AGAP1: variants seen among roughly 807,000 people sequenced by gnomAD.
AGAP1 encodes the protein arf-GAP with GTPase, ANK repeat and PH domain-containing protein 1.
A neutral mutation model predicts 105.3 loss-of-function variants in AGAP1; 29 were observed. That is an observed-to-expected ratio of 0.28 (90% CI 0.21 to 0.38). The LOEUF (loss-of-function observed/expected upper bound fraction) is 0.38, where lower values mean the gene tolerates loss of function less well. Ranked by LOEUF, AGAP1 falls within the 10% of genes least tolerant of loss-of-function variation. The pLI is 1.00. For missense variants in AGAP1, 998 were observed against 1,165.1 expected (o/e 0.86, Z 2.09); for synonymous variants, 509 against 485.9 (o/e 1.05, Z -0.63).
Position 235,641,772 on chromosome 2 carries a change from A to G in AGAP1, c.164-67407A>G, listed in dbSNP as rs534540815. ...AATGGTTGAAGAATGATTTCCCATA[A>G]TCTAATTTCAACACATTACCTGATT... is the stretch of plus-strand genomic sequence containing the variant. On this transcript the variant is annotated intron_variant, in intron 1 of 17. Coordinates refer to ENST00000304032, the MANE Select transcript of AGAP1 (RefSeq NM_001037131.3). Among the ~76,000 whole-genome samples the G allele has an allele frequency of 3.3e-5, 5 of 152,370 alleles. No individual in the cohort carries two copies. In the East Asian group the frequency reaches 7.7e-4, roughly 23 times the overall value.
chr2:235,947,575 T>G (rs776766125), intron 12 of AGAP1, among the ~76,000 whole-genome samples: 18 of 152,240 alleles, frequency 1.2e-4, no homozygotes, highest in South Asian at 4.1e-4. Flanking sequence ...ATGACTTATT[T>G]TCCTCTGGGT....
In AGAP1 at chr2:235,631,957, A is replaced by G. The variant is rs1212417904; in HGVS notation, c.164-77222A>G. On this transcript the variant is annotated intron_variant, in intron 1 of 17. Coordinates refer to ENST00000304032, the MANE Select transcript of AGAP1 (RefSeq NM_001037131.3). This position sits in a 1 kb window ranked among gnomAD's most constrained non-coding sequence, Gnocchi z 5.4. ...CATGCATATATGATGGCTGGCCACC[A>G]TCTGAGACTGGGACAGCAAGGGTCA... Among the ~76,000 whole-genome samples, 2 of 152,216 alleles carry G rather than the reference A, an allele frequency of 1.3e-5. No individual in the cohort carries two copies. The highest frequency in any genetic ancestry group is 2.4e-5 in the African/African-American group (1 of 41,460).
At position 235,690,180 on chromosome 2, in the gene AGAP1, G is replaced by A. The variant is rs1333503537; in HGVS notation, c.164-18999G>A. On this transcript the variant is annotated intron_variant, in intron 1 of 17. Coordinates refer to ENST00000304032, the MANE Select transcript of AGAP1 (RefSeq NM_001037131.3). This position sits in a 1 kb window ranked among gnomAD's most constrained non-coding sequence, Gnocchi z 4.1. Reference sequence around the variant, plus strand: ...GAGGGATCTCACTTGCTACCTGCTTGGAGCCAGTCCAGTGGCTTCACTTTT... The same window carrying A: ...GAGGGATCTCACTTGCTACCTGCTTAGAGCCAGTCCAGTGGCTTCACTTTT... Among the ~76,000 whole-genome samples, 1 of 151,956 alleles carries A rather than the reference G, an allele frequency of 6.6e-6. No individual in the cohort carries two copies. The highest frequency in any genetic ancestry group is 6.6e-5 in the Admixed American group (1 of 15,246).
In AGAP1 at chr2:235,980,068, A is replaced by T. The variant is rs969139856; in HGVS notation, c.1645+11445A>T. Among the ~76,000 whole-genome samples the T allele has an allele frequency of 3.3e-5, 5 of 152,208 alleles. No individual in the cohort carries two copies. The East Asian group carries it at 9.6e-4, about 29-fold the overall frequency. On this transcript the variant is annotated intron_variant, in intron 13 of 17. Transcript: ENST00000304032. ...CGTACCGCTTGACAGTAATGATCTTATTACAGTACTGTGGACCTTGAAGAG... is the reference window on the plus strand; with the variant it reads ...CGTACCGCTTGACAGTAATGATCTTTTTACAGTACTGTGGACCTTGAAGAG...
chr2:235,943,958 A>G (rs1215527305), intron 12 of AGAP1, among the ~76,000 whole-genome samples: 1 of 152,226 alleles, frequency 6.6e-6, no homozygotes, highest in African/African-American at 2.4e-5. Flanking sequence ...ATTAATATTA[A>G]TTATACAATG....
At chr2:235,514,160 G>GCA (rs1942275686) in intron 1 of AGAP1, among the ~76,000 whole-genome samples, 2 of 66,068 alleles carry the variant, frequency 3.0e-5, no homozygotes, top group African/African-American at 6.1e-5. Flanking sequence ...GCGTGCGCGC[G>GCA]CGCACACACA....
rs1946127781 is a variant in AGAP1 at position 235,611,610 on chromosome 2, T to C, written c.164-97569T>C. ...TTAGAGAATCCCTCTCCACATGTGT[T>C]CTCTGAACAGGGAGCCCAGGGAGGC... On this transcript the variant is annotated intron_variant, in intron 1 of 17. Transcript: ENST00000304032. The surrounding 1 kb of genome is among the most constrained non-coding windows in gnomAD (Gnocchi z 5.0). 6.6e-6 allele frequency among the ~76,000 whole-genome samples: 1 copy of C among 152,136 alleles called. No homozygotes were observed. The highest frequency in any genetic ancestry group is 6.5e-5 in the Admixed American group (1 of 15,284).
At position 235,601,462 on chromosome 2, in the gene AGAP1, C is replaced by A. The variant is rs57118102; in HGVS notation, c.163+106613C>A. The stretch of plus-strand genomic sequence containing the variant: ...TCACAGTTCTACATGGCTGGGGAGG[C>A]CTCACAGTCATGGCGGAAGGTGAAT... On this transcript the variant is annotated intron_variant, in intron 1 of 17. Transcript: ENST00000304032. The surrounding 1 kb of genome is among the most constrained non-coding windows in gnomAD (Gnocchi z 4.4). Among the ~76,000 whole-genome samples, 8,671 of 152,220 alleles carry A rather than the reference C, an allele frequency of 0.057. 488 individuals carry two copies. Among genetic ancestry groups the A allele is most frequent in the African/African-American group, 0.14 (5,957 of 41,512 alleles).
At chr2:235,510,840 G>T (rs914281305) in intron 1 of AGAP1, among the ~76,000 whole-genome samples, 6 of 152,068 alleles carry the variant, frequency 3.9e-5, no homozygotes, top group African/African-American at 1.4e-4. Context: ...AGAAGCCTCA[G>T]AAAGAGGTGC....
In AGAP1 at chr2:235,981,832, C is replaced by T. The variant is rs555197361; in HGVS notation, c.1645+13209C>T. 7.9e-5 allele frequency among the ~76,000 whole-genome samples: 12 copies of T among 152,314 alleles called. No homozygotes were observed. Among genetic ancestry groups the T allele is most frequent in the East Asian group, 3.9e-4 (2 of 5,182 alleles). On this transcript the variant is annotated intron_variant, in intron 13 of 17. Transcript: ENST00000304032. The surrounding 1 kb of genome is among the most constrained non-coding windows in gnomAD (Gnocchi z 5.5). ...CGATCCAGGCGAGGGCAGCAGTGCT[C>T]GCCGCCTCTAACACATCTCCACGGT...
At chr2:235,881,083 C>G (rs770144898) in intron 9 of AGAP1, among the ~76,000 whole-genome samples, 1 of 152,146 alleles carries the variant, frequency 6.6e-6, no homozygotes, top group African/African-American at 2.4e-5. Context: ...CTTCTAAAGT[C>G]GTTTCAAACT....
At chr2:235,955,911 A>T (rs1485632908) in intron 12 of AGAP1, among the ~76,000 whole-genome samples, 1 of 152,056 alleles carries the variant, frequency 6.6e-6, no homozygotes, top group Admixed American at 6.6e-5. Flanking sequence ...CACCTTCCCC[A>T]CTCAGATAGG....
chr2:235,870,663 T>C (rs2049394047), intron 9 of AGAP1, among the ~76,000 whole-genome samples: 1 of 151,482 alleles, frequency 6.6e-6, no homozygotes, highest in Admixed American at 6.6e-5. Context: ...ACAAGAGACA[T>C]GGAATAGTCA....
intron 13 of AGAP1, among the ~76,000 whole-genome samples, chr2:235,995,065 C>CAAAAAAAAAAAAAAAACAAAAAAAAAA (rs2055745727): frequency 1.6e-5 from 1 of 60,944 alleles, no homozygotes; most frequent in African/African-American, 6.3e-5. Context: ...GACTCTGTCT[C>CAAAAAAAAAAAAAAAACAAAAAAAAAA]AAAAAAAAAA....
At chr2:235,794,388 C>T (rs893051413) in intron 6 of AGAP1, among the ~76,000 whole-genome samples, 1 of 152,166 alleles carries the variant, frequency 6.6e-6, no homozygotes, top group Non-Finnish European at 1.5e-5. Flanking sequence ...TTGGGAGTAG[C>T]TCATGTGACA....
rs1184279018 is a variant in AGAP1 at position 235,639,500 on chromosome 2, G to C, written c.164-69679G>C. ...AGCTGTTGCTCAGCGACTGTTGGCT[G>C]GTGAGGATGAGGCTCATGAACAGAT... On this transcript the variant is annotated intron_variant, in intron 1 of 17. Transcript: ENST00000304032. This position sits in a 1 kb window ranked among gnomAD's most constrained non-coding sequence, Gnocchi z 5.3. 1.3e-5 allele frequency among the ~76,000 whole-genome samples: 2 copies of C among 152,256 alleles called. No individual in the cohort carries two copies. Among genetic ancestry groups the C allele is most frequent in the South Asian group, 2.1e-4 (1 of 4,824 alleles).
chr2:236,041,184 A>C (rs2057539245), intron 15 of AGAP1, among the ~76,000 whole-genome samples: 1 of 152,138 alleles, frequency 6.6e-6, no homozygotes, highest in African/African-American at 2.4e-5. Context: ...CAACACAGGG[A>C]GAACCCGTCT....
rs1420777893 is a variant in AGAP1, at chr2:235,597,597, T to A, written c.163+102748T>A. Among the ~76,000 whole-genome samples, 4 of 152,210 alleles carry A rather than the reference T, an allele frequency of 2.6e-5. No individual in the cohort carries two copies. The East Asian group carries it at 7.7e-4, about 29-fold the overall frequency. On this transcript the variant is annotated intron_variant, in intron 1 of 17. Coordinates refer to ENST00000304032, the MANE Select transcript of AGAP1 (RefSeq NM_001037131.3). ...TGCACAATTGATACTATTATTATTT[T>A]AGGGTTACCCAAAAATGTGCAGCAC...
rs537435520 is a variant in AGAP1 at position 235,810,748 on chromosome 2, C to G, written c.1050+3417C>G. Among the ~76,000 whole-genome samples the G allele has an allele frequency of 4.6e-5, 7 of 151,964 alleles. No individual in the cohort carries two copies. In the East Asian group the frequency reaches 1.2e-3, roughly 25 times the overall value. On this transcript the variant is annotated intron_variant, in intron 9 of 17. Coordinates refer to ENST00000304032, the MANE Select transcript of AGAP1 (RefSeq NM_001037131.3). ...ATATGACTTATTTTCTGGACTATAA[C>G]TTCATTTCTTGTGGACCTGGGTCTA...
Sources: allele counts gnomAD v4.1 joint callset (sites outside exome capture counted in the v4.1 genomes callset), GRCh38; gene constraint gnomAD v4.1.1; non-coding constraint Gnocchi (gnomAD v3.1); transcripts MANE v1.5; gene names NCBI Gene and HGNC (gene_info 2026-07-23, HGNC 2026-07-21).